EXOC4: variants seen among roughly 807,000 people sequenced by gnomAD.
EXOC4 encodes exocyst complex component 4.
EXOC4 carries 71 observed loss-of-function variants against 107.2 expected under a neutral mutation model. The ratio of observed to expected loss-of-function variants is 0.66; its 90% confidence interval spans 0.55 to 0.81. The LOEUF is 0.81. Among genes scored for constraint, EXOC4 ranks in the 30% least tolerant of loss-of-function variants. The probability of loss-of-function intolerance (pLI) is 0.00; values close to 1 mark genes in which losing one functional copy is unlikely to be tolerated. For synonymous variants in EXOC4, 456 were observed against 441.2 expected (o/e 1.03, Z -0.42); for missense variants, 1,108 against 1,189.6 (o/e 0.93, Z 1.01).
chr7:133,933,861 T>C (rs908865390), intron 13 of EXOC4, among the ~76,000 whole-genome samples: 1 of 152,330 alleles, frequency 6.6e-6, no homozygotes, highest in South Asian at 2.1e-4. Flanking sequence ...TGGTGAGACG[T>C]TCCGTTTTTC....
chr7:133,314,378 A>G (rs951461883), intron 4 of EXOC4, among the ~76,000 whole-genome samples: 4 of 152,192 alleles, frequency 2.6e-5, no homozygotes, highest in African/African-American at 9.7e-5. Context: ...GTTAGTGCTC[A>G]CCAAGGAGAA....
At chr7:133,931,382 G>A (rs992649742) in intron 13 of EXOC4, among the ~76,000 whole-genome samples, 4 of 152,306 alleles carry the variant, frequency 2.6e-5, no homozygotes, top group East Asian at 3.9e-4. Flanking sequence ...AGAAAGGATA[G>A]TGTAGGAGGA....
At chr7:133,395,112 T>C (rs556509216) in intron 7 of EXOC4, among the ~76,000 whole-genome samples, 1 of 149,188 alleles carries the variant, frequency 6.7e-6, no homozygotes, top group African/African-American at 2.4e-5. Flanking sequence ...CTTTTGCCTT[T>C]TTTTTTTTTT....
chr7:133,732,192 C>T (rs568430156), intron 10 of EXOC4, among the ~76,000 whole-genome samples: 1 of 152,232 alleles, frequency 6.6e-6, no homozygotes, highest in African/African-American at 2.4e-5. Context: ...AACACAGGAA[C>T]AGAAAACCAA....
At chr7:133,299,550 A>G (rs1434057424) in intron 3 of EXOC4, among the ~76,000 whole-genome samples, 1 of 152,248 alleles carries the variant, frequency 6.6e-6, no homozygotes. Flanking sequence ...ATAAAATGGT[A>G]TGCTTTTAGA....
At chr7:133,690,383 G>A (rs1400517509) in intron 10 of EXOC4, among the ~76,000 whole-genome samples, 2 of 152,186 alleles carry the variant, frequency 1.3e-5, no homozygotes, top group South Asian at 2.1e-4. Context: ...TTGCAGTCAT[G>A]GCAGCAGCTA....
chr7:134,068,178 T>C (rs1019704635), downstream of EXOC4, among the ~76,000 whole-genome samples: 1 of 152,206 alleles, frequency 6.6e-6, no homozygotes, highest in African/African-American at 2.4e-5. Context: ...AAGCCTCTGC[T>C]TTTCATGACC....
chr7:133,409,179 A>G (rs1346329369), intron 7 of EXOC4, among the ~76,000 whole-genome samples: 6 of 152,230 alleles, frequency 3.9e-5, no homozygotes, highest in South Asian at 2.1e-4. Context: ...CTAAAATTCA[A>G]TAACAGAATG....
chr7:134,007,932 C>T, intron 17 of EXOC4, 97 bp downstream of exon 17: 1 of 1,164,440 alleles, frequency 8.6e-7, no homozygotes, highest in Non-Finnish European at 1.2e-6. Flanking sequence ...GCAGAAAAAG[C>T]TTAGTTTAAA....
At chr7:133,904,179 A>G (rs1390298405) in intron 12 of EXOC4, among the ~76,000 whole-genome samples, 1 of 152,182 alleles carries the variant, frequency 6.6e-6, no homozygotes, top group East Asian at 1.9e-4. Context: ...TTTAAGTCGA[A>G]GAAATAAGTA....
At chr7:133,673,431 A>G (rs1205378031) in intron 10 of EXOC4, among the ~76,000 whole-genome samples, 1 of 152,116 alleles carries the variant, frequency 6.6e-6, no homozygotes, top group Non-Finnish European at 1.5e-5. Flanking sequence ...TTAACCTTGC[A>G]TCTCCTGTCT....
chr7:133,588,883 A>AGT (rs35751574), intron 9 of EXOC4, among the ~76,000 whole-genome samples: 35,646 of 151,348 alleles, frequency 0.24, 4,890 homozygotes, highest in African/African-American at 0.37. Flanking sequence ...GTCTCAAAAA[A>AGT]GTGTGTGTGT....
intron 10 of EXOC4, among the ~76,000 whole-genome samples, chr7:133,668,895 G>C (rs1585066606): frequency 6.6e-6 from 1 of 152,164 alleles, no homozygotes; most frequent in East Asian, 1.9e-4. Context: ...GCCTGGGTCA[G>C]ATGACAGCTT....
Position 133,758,625 on chromosome 7 carries a change from G to A in EXOC4, c.1515-58700G>A, listed in dbSNP as rs1329905345. Among the ~76,000 whole-genome samples, 3 of 152,224 alleles carry A rather than the reference G, an allele frequency of 2.0e-5. 1 individual carries two copies. The Middle Eastern group carries it at 9.5e-3, about 482-fold the overall frequency. The stretch of plus-strand genomic sequence containing the variant: ...CAGATGCCATGAGGGCACTGGGGAT[G>A]AACACGTGTTCTTTGTTTCACTTAT... On this transcript the variant is annotated intron_variant, in intron 10 of 17. Transcript: ENST00000253861.
At chr7:133,366,547 TCTCATGTTTAG>T (rs1014726719) in intron 6 of EXOC4, among the ~76,000 whole-genome samples, 4 of 152,356 alleles carry the variant, frequency 2.6e-5, no homozygotes, top group African/African-American at 9.6e-5. Flanking sequence ...TACTTCATGT[TCTCATGTTTAG>T]CTTGGTAAGG....
At chr7:133,288,659 A>G (rs1356145994) in intron 2 of EXOC4, among the ~76,000 whole-genome samples, 1 of 152,146 alleles carries the variant, frequency 6.6e-6, no homozygotes, top group Non-Finnish European at 1.5e-5. Flanking sequence ...CTCTTTAGTA[A>G]TGTTTTCTAG....
At chr7:133,976,443 G>T (rs1000763286) in intron 14 of EXOC4, among the ~76,000 whole-genome samples, 4 of 152,144 alleles carry the variant, frequency 2.6e-5, no homozygotes, top group Non-Finnish European at 5.9e-5. Context: ...AGAAATTGTG[G>T]AGCATGTAAA....
chr7:133,694,947 C>T (rs1794500542), intron 10 of EXOC4, among the ~76,000 whole-genome samples: 1 of 152,216 alleles, frequency 6.6e-6, no homozygotes, highest in South Asian at 2.1e-4. Flanking sequence ...CTCAGCCTCC[C>T]GAGTAGCTGG....
At chr7:133,949,072 G>A (rs1250104098) in intron 14 of EXOC4, among the ~76,000 whole-genome samples, 1 of 152,158 alleles carries the variant, frequency 6.6e-6, no homozygotes, top group Admixed American at 6.5e-5. Flanking sequence ...AGAAAAGTGA[G>A]CTTAACATTA....
Sources: gnomAD v4.1 joint callset for allele counts (sites outside exome capture counted in the v4.1 genomes callset) on GRCh38, gnomAD v4.1.1 for gene constraint, MANE v1.5 for transcripts, NCBI Gene and HGNC (gene_info 2026-07-23, HGNC 2026-07-21) for gene names.